Variants in FKBP9 observed in about 807,000 individuals in gnomAD.
FKBP9 encodes the protein peptidyl-prolyl cis-trans isomerase FKBP9.
A neutral mutation model predicts 55.6 loss-of-function variants in FKBP9; 27 were observed. The observed-to-expected ratio is 0.49, with a 90% CI of 0.36 to 0.67. The LOEUF (loss-of-function observed/expected upper bound fraction) is 0.67, where lower values mean the gene tolerates loss of function less well. FKBP9 is among the 30% of genes least tolerant of loss of function. The pLI is 0.00. For missense variants in FKBP9, 539 were observed against 742.8 expected (o/e 0.73, Z 3.19); for synonymous variants, 267 against 296.5 (o/e 0.90, Z 1.02).
intron 5 of FKBP9, among the ~76,000 whole-genome samples, chr7:32,984,078 T>C (rs1784531570): frequency 6.6e-6 from 1 of 152,218 alleles, no homozygotes; most frequent in South Asian, 2.1e-4. Flanking sequence ...TACATTAGAC[T>C]TCCTCATTAT....
In FKBP9 at chr7:32,963,499, G is replaced by T. The variant is rs140559092; in HGVS notation, c.221+5705G>T. On this transcript the variant is annotated intron_variant, in intron 1 of 9. Transcript: ENST00000242209. ...GAAATTCTAGAGATCAGCCTCATTGGGGCTTCATTTTACACAGGGATTCAT... is the reference window on the plus strand; with the variant it reads ...GAAATTCTAGAGATCAGCCTCATTGTGGCTTCATTTTACACAGGGATTCAT... 128 of 660,886 alleles carry T rather than the reference G, an allele frequency of 1.9e-4. No homozygotes were observed. The African/African-American group carries it at 2.2e-3, about 11-fold the overall frequency. The allele number at this position is 660,886 out of a possible 1,614,324, so 40.9% of individuals were successfully genotyped here. A position where few individuals can be genotyped will look rare whatever the true frequency, so the allele number is the denominator to read the frequency against.
chr7:32,982,931 GATTA>G (rs1398668456), intron 5 of FKBP9, among the ~76,000 whole-genome samples: 2 of 151,490 alleles, frequency 1.3e-5, no homozygotes, highest in South Asian at 2.1e-4. Context: ...TAAAATATAT[GATTA>G]ATTGTTTCCC....
chr7:32,971,548 T>C (rs577119228), intron 1 of FKBP9, among the ~76,000 whole-genome samples: 22 of 152,290 alleles, frequency 1.4e-4, no homozygotes, highest in African/African-American at 5.3e-4. Flanking sequence ...GGGTATGATC[T>C]TGGCTCACTG....
In FKBP9 at chr7:32,957,640, C is replaced by A. The variant is rs1399266553; in HGVS notation, c.67C>A (p.Gln23Lys). Reference protein sequence around the residue: ...LLLLLLWVTGQAAPVAGLGSD... With the variant: ...LLLLLLWVTGKAAPVAGLGSD... ...CCTGCTGCTGCTCTGGGTGACCGGGCAGGCAGCGCCCGTGGCGGGCCTGGG... is the reference window on the plus strand; with the variant it reads ...CCTGCTGCTGCTCTGGGTGACCGGGAAGGCAGCGCCCGTGGCGGGCCTGGG... Residue 23 changes from glutamine (Q) to lysine (K), a missense_variant, in exon 1 of 10, where the codon CAG becomes AAG. Physicochemically the swap from Gln to Lys is moderately conservative, Grantham distance 53. Transcript: ENST00000242209. 4 of 1,498,664 alleles carry A rather than the reference C, an allele frequency of 2.7e-6. No homozygotes were observed. In the African/African-American group the frequency reaches 5.8e-5, roughly 22 times the overall value. The allele number at this position is 1,498,664 out of a possible 1,614,324, so 92.8% of individuals were successfully genotyped here.
intron 4 of FKBP9, among the ~76,000 whole-genome samples, chr7:32,978,766 G>A (rs1784410998): frequency 6.6e-6 from 1 of 152,206 alleles, no homozygotes; most frequent in South Asian, 2.1e-4. Context: ...AAAACCAGAT[G>A]TGAGCCTAAT....
At chr7:32,989,471 A>C (rs1010635034) in intron 6 of FKBP9, among the ~76,000 whole-genome samples, 4 of 152,082 alleles carry the variant, frequency 2.6e-5, no homozygotes, top group African/African-American at 9.7e-5. Context: ...GCTGGAGTAC[A>C]GTGGCACGAT....
At chr7:32,993,149 A>T (rs1167748881) in intron 6 of FKBP9, 1 of 232,548 alleles carries the variant, frequency 4.3e-6, no homozygotes, top group Non-Finnish European at 8.5e-6. Flanking sequence ...GGGAGATTAT[A>T]TTTGAATTGA....
At chr7:32,971,563 C>T (rs1252897933) in intron 1 of FKBP9, among the ~76,000 whole-genome samples, 1 of 152,108 alleles carries the variant, frequency 6.6e-6, no homozygotes, top group Non-Finnish European at 1.5e-5. Context: ...TCACTGCAGC[C>T]TCTGCCTCCC....
intron 9 of FKBP9, among the ~76,000 whole-genome samples, chr7:33,003,113 C>G (rs543378394): frequency 7.2e-5 from 11 of 152,348 alleles, no homozygotes; most frequent in African/African-American, 2.4e-4. Context: ...ACTGGGTGCT[C>G]AATGCCTGCC....
intron 6 of FKBP9, among the ~76,000 whole-genome samples, chr7:32,990,645 A>G (rs898726650): frequency 6.6e-6 from 1 of 152,212 alleles, no homozygotes; most frequent in Non-Finnish European, 1.5e-5. Flanking sequence ...CTCTTCACCT[A>G]ATTTGTGGTG....
intron 1 of FKBP9, among the ~76,000 whole-genome samples, chr7:32,961,952 G>C (rs1353168419): frequency 3.3e-5 from 5 of 151,892 alleles, no homozygotes; most frequent in Non-Finnish European, 5.9e-5. Flanking sequence ...ATATATTACG[G>C]TGTAATAATA....
At chr7:32,958,166 T>C (rs1168528418) in intron 1 of FKBP9, among the ~76,000 whole-genome samples, 1 of 152,204 alleles carries the variant, frequency 6.6e-6, no homozygotes, top group Non-Finnish European at 1.5e-5. Context: ...CCTGCCTCTC[T>C]TCGCCCTTTC....
intron 9 of FKBP9, among the ~76,000 whole-genome samples, 182 bp from the exon 10 acceptor site, chr7:33,004,993 A>G (rs556926175): frequency 2.0e-5 from 3 of 151,982 alleles, no homozygotes. Flanking sequence ...TTTCACCTGC[A>G]TTTAGAGAAA....
intron 1 of FKBP9, among the ~76,000 whole-genome samples, chr7:32,959,491 G>T (rs931336760): frequency 6.6e-6 from 1 of 152,216 alleles, no homozygotes. Flanking sequence ...CATTTGGTGT[G>T]TACAATTCAG....
chr7:32,977,049 G>A (rs562639197), intron 4 of FKBP9, among the ~76,000 whole-genome samples: 10 of 152,324 alleles, frequency 6.6e-5, no homozygotes, highest in Admixed American at 2.6e-4. Flanking sequence ...TCTATGATGA[G>A]TTTTACCTAT....
intron 6 of FKBP9, 102 bp downstream of exon 6, chr7:32,988,754 G>A (rs942968732): frequency 9.7e-5 from 111 of 1,145,406 alleles, no homozygotes; most frequent in Admixed American, 2.5e-5. Context: ...TTGAGATAGG[G>A]TCTCCCTCTG....
At chr7:32,996,743 C>CT (rs1784803015) in intron 7 of FKBP9, among the ~76,000 whole-genome samples, 3 of 21,904 alleles carry the variant, frequency 1.4e-4, no homozygotes, top group African/African-American at 2.0e-4. Context: ...TCCTTCCTTT[C>CT]TTTCTTTTTT....
intron 1 of FKBP9, among the ~76,000 whole-genome samples, chr7:32,964,670 CAT>C (rs1784097602): frequency 6.6e-6 from 1 of 152,232 alleles, no homozygotes; most frequent in African/African-American, 2.4e-5. Context: ...TTTGCCAGTT[CAT>C]TAACTGCTTT....
At chr7:32,977,870 C>CATGTGTAT (rs780985630) in intron 4 of FKBP9, among the ~76,000 whole-genome samples, 1 of 124,660 alleles carries the variant, frequency 8.0e-6, no homozygotes, top group South Asian at 2.5e-4. Flanking sequence ...TATACATGCC[C>CATGTGTAT]ATATATATAT....
Sources: allele counts gnomAD v4.1 joint callset (sites outside exome capture counted in the v4.1 genomes callset), GRCh38; gene constraint gnomAD v4.1.1; transcripts MANE v1.5; gene names NCBI Gene and HGNC (gene_info 2026-07-23, HGNC 2026-07-21).